The following EFR3A variants were observed in gnomAD, a reference collection of about 807,000 sequenced individuals.
EFR3A encodes EFR3 homolog A.
A neutral mutation model predicts 104.4 loss-of-function variants in EFR3A; 76 were observed. The ratio of observed to expected loss-of-function variants is 0.73; its 90% confidence interval spans 0.60 to 0.88. The LOEUF is 0.88. EFR3A is among the 40% of genes least tolerant of loss of function. The pLI is 0.00. For missense variants in EFR3A, 985 were observed against 1,012.5 expected (o/e 0.97, Z 0.37); for synonymous variants, 330 against 330.0 (o/e 1.00, Z 0.00).
intron 1 of EFR3A, among the ~76,000 whole-genome samples, chr8:131,921,016 G>A (rs1002993597): frequency 6.6e-6 from 1 of 152,116 alleles, no homozygotes; most frequent in African/African-American, 2.4e-5. Context: ...GTTGCCATTT[G>A]GTTAAGTCTT....
At chr8:131,925,842 A>G (rs1404026284) in intron 1 of EFR3A, among the ~76,000 whole-genome samples, 1 of 152,122 alleles carries the variant, frequency 6.6e-6, no homozygotes, top group Non-Finnish European at 1.5e-5. Flanking sequence ...TGTTAAAATA[A>G]TTATCCCCCT....
At chr8:131,924,206 A>C (rs777933101) in intron 1 of EFR3A, 1 of 342,834 alleles carries the variant, frequency 2.9e-6, no homozygotes, top group South Asian at 2.1e-5. Context: ...ATTTCTGCAT[A>C]CCCCATTCAG....
chr8:131,989,057 C>T (rs1019008141), intron 18 of EFR3A, among the ~76,000 whole-genome samples: 2 of 152,132 alleles, frequency 1.3e-5, no homozygotes, highest in African/African-American at 4.8e-5. Context: ...TGCATCTCTA[C>T]CAATGACTAG....
chr8:131,920,413 T>C (rs1456201068), intron 1 of EFR3A, among the ~76,000 whole-genome samples: 1 of 152,210 alleles, frequency 6.6e-6, no homozygotes, highest in Non-Finnish European at 1.5e-5. Context: ...TCTAACAGCA[T>C]AAAAGGCTTC....
chr8:131,987,550 A>T (rs1326123547), intron 17 of EFR3A, 25 bp from the exon 18 acceptor site: 1 of 1,574,076 alleles, frequency 6.4e-7, no homozygotes, highest in Non-Finnish European at 8.6e-7. Flanking sequence ...ATACTGAATG[A>T]TTGTTGTTTT....
intron 1 of EFR3A, among the ~76,000 whole-genome samples, chr8:131,933,817 T>C (rs79457565): frequency 6.6e-6 from 1 of 151,996 alleles, no homozygotes; most frequent in Admixed American, 6.6e-5. Flanking sequence ...TTTTTTTTTT[T>C]CTACAGTTTC....
chr8:131,989,384 C>G (rs1359275901), intron 18 of EFR3A, among the ~76,000 whole-genome samples: 2 of 152,160 alleles, frequency 1.3e-5, no homozygotes, highest in Non-Finnish European at 2.9e-5. Context: ...ACAATAGTAG[C>G]TACCATTTAT....
At chr8:131,980,076 C>G (rs1232244588) in intron 14 of EFR3A, among the ~76,000 whole-genome samples, 1 of 152,122 alleles carries the variant, frequency 6.6e-6, no homozygotes, top group Non-Finnish European at 1.5e-5. Context: ...GATACGATAA[C>G]CATGACACTG....
intron 1 of EFR3A, among the ~76,000 whole-genome samples, chr8:131,926,239 G>C (rs1817291833): frequency 6.6e-6 from 1 of 152,088 alleles, no homozygotes; most frequent in Non-Finnish European, 1.5e-5. Context: ...CAGAGTTTCA[G>C]AATATATTAT....
intron 14 of EFR3A, among the ~76,000 whole-genome samples, chr8:131,983,382 G>T (rs1194685958): frequency 6.6e-6 from 1 of 152,100 alleles, no homozygotes; most frequent in Non-Finnish European, 1.5e-5. Context: ...CAGTTGTCCA[G>T]TGATTCCAGC....
At chr8:132,005,414 C>A (rs1481384217) in intron 22 of EFR3A, among the ~76,000 whole-genome samples, 2 of 151,458 alleles carry the variant, frequency 1.3e-5, no homozygotes, top group African/African-American at 4.9e-5. Context: ...TTTAACCATA[C>A]CTGAGTATGG....
intron 14 of EFR3A, 129 bp from the exon 15 acceptor site, chr8:131,984,010 C>A: frequency 3.0e-6 from 2 of 662,590 alleles, no homozygotes; most frequent in Non-Finnish European, 2.2e-6. Context: ...ACTATCTGAT[C>A]AACTTAAATT....
At chr8:131,968,033 A>T (rs1819846302) in intron 8 of EFR3A, among the ~76,000 whole-genome samples, 1 of 152,212 alleles carries the variant, frequency 6.6e-6, no homozygotes, top group East Asian at 1.9e-4. Context: ...ATTTTAATTT[A>T]CTTTTTAAAA....
At chr8:131,928,267 TTGA>T (rs1040930113) in intron 1 of EFR3A, among the ~76,000 whole-genome samples, 1 of 152,172 alleles carries the variant, frequency 6.6e-6, no homozygotes, top group African/African-American at 2.4e-5. Context: ...TGCCCAATTC[TTGA>T]TCCTGTTAGA....
chr8:132,010,314 T>C (rs936528741), intron 22 of EFR3A, among the ~76,000 whole-genome samples: 1 of 150,362 alleles, frequency 6.7e-6, no homozygotes. Flanking sequence ...AATAAAATTA[T>C]GTATGTATAA....
At chr8:131,982,294 GT>G (rs1179071317) in intron 14 of EFR3A, among the ~76,000 whole-genome samples, 2 of 151,800 alleles carry the variant, frequency 1.3e-5, no homozygotes, top group South Asian at 2.1e-4. Context: ...TTAAGTTTAG[GT>G]TTTTTTTAAT....
At chr8:131,932,484 T>C (rs1817658875) in intron 1 of EFR3A, among the ~76,000 whole-genome samples, 1 of 152,134 alleles carries the variant, frequency 6.6e-6, no homozygotes, top group African/African-American at 2.4e-5. Flanking sequence ...ATAAATAGGC[T>C]AATAAAGGGG....
intron 10 of EFR3A, among the ~76,000 whole-genome samples, chr8:131,972,135 T>G (rs535369983): frequency 1.6e-4 from 25 of 152,310 alleles, no homozygotes; most frequent in African/African-American, 5.5e-4. Context: ...TGGTATGAAC[T>G]CAATGGATTT....
intron 1 of EFR3A, among the ~76,000 whole-genome samples, chr8:131,921,396 T>C (rs1817017571): frequency 6.6e-6 from 1 of 152,148 alleles, no homozygotes; most frequent in South Asian, 2.1e-4. Context: ...CTATCCTAAC[T>C]TGATTACTAC....
Sources: gnomAD v4.1 joint callset for allele counts (sites outside exome capture counted in the v4.1 genomes callset) on GRCh38, gnomAD v4.1.1 for gene constraint, MANE v1.5 for transcripts, NCBI Gene and HGNC (gene_info 2026-07-23, HGNC 2026-07-21) for gene names.